Variants in TMPRSS12 observed in about 807,000 individuals in gnomAD.
The protein encoded by TMPRSS12 is transmembrane serine protease 12.
Under a neutral mutation model 26.0 loss-of-function variants are expected in TMPRSS12, and 25 were observed. That is an observed-to-expected ratio of 0.96 (90% confidence interval 0.70 to 1.34). The LOEUF (loss-of-function observed/expected upper bound fraction) is 1.34. Ranked by LOEUF, TMPRSS12 falls within the 40% of genes most tolerant of loss-of-function variation. TMPRSS12 has a pLI of 0.00. For synonymous variants in TMPRSS12, 150 were observed against 161.7 expected (o/e 0.93, Z 0.55); for missense variants, 441 against 440.1 (o/e 1.00, Z -0.02).
In TMPRSS12 at chr12:50,843,070, G is replaced by A. The variant is rs1267092886; in HGVS notation, c.106G>A (p.Glu36Lys). The stretch of plus-strand genomic sequence containing the variant: ...AAGGCACAGGCTCGGCCCCTCGCCG[G>A]AACCGGCGGCTAGTTCCCAGCAGGC... ...SGRHRLGPSP[E>K]PAASSQQAEA... is the part of the protein sequence containing the mutation. Residue 36 changes from glutamate to lysine, a missense_variant, in exon 1 of 5, where the codon GAA (glutamate) becomes AAA (lysine). Glu to Lys is a moderately conservative substitution (Grantham distance 56, BLOSUM62 1). Coordinates refer to ENST00000398458, the MANE Select transcript of TMPRSS12 (RefSeq NM_182559.3). 7 of 1,589,940 alleles carry A rather than the reference G, an allele frequency of 4.4e-6. No homozygotes were observed. Among genetic ancestry groups the A allele is most frequent in the African/African-American group, 1.3e-5 (1 of 74,548 alleles).
chr12:50,869,183 A>G (rs1396193717), intron 3 of TMPRSS12, among the ~76,000 whole-genome samples: 2 of 152,114 alleles, frequency 1.3e-5, no homozygotes, highest in Non-Finnish European at 2.9e-5. Context: ...AAACAAAAAA[A>G]AAATACAAAA....
chr12:50,845,907 A>G (rs1445396942), intron 2 of TMPRSS12, among the ~76,000 whole-genome samples: 2 of 152,072 alleles, frequency 1.3e-5, no homozygotes, highest in Non-Finnish European at 2.9e-5. Flanking sequence ...GCATCTTTCT[A>G]TGTGCTTATT....
intron 2 of TMPRSS12, among the ~76,000 whole-genome samples, chr12:50,850,121 T>C (rs915888842): frequency 6.6e-6 from 1 of 152,160 alleles, no homozygotes; most frequent in Admixed American, 6.5e-5. Flanking sequence ...TACGATGATA[T>C]AGTTTGAGTG....
At position 50,880,966 on chromosome 12, in the gene TMPRSS12, C is replaced by CTTTTTTTTTTTTT. The variant is rs869152225; in HGVS notation, c.653-4259_653-4247dup. 5.7e-4 allele frequency among the ~76,000 whole-genome samples: 35 copies of CTTTTTTTTTTTTT among 61,786 alleles called. 5 individuals are homozygous for CTTTTTTTTTTTTT. Among genetic ancestry groups the CTTTTTTTTTTTTT allele is most frequent in the Non-Finnish European group, 8.3e-4 (29 of 34,860 alleles). The allele number at this position is 61,786 out of a possible 152,430, so 40.5% of individuals were successfully genotyped here. A position where few individuals can be genotyped will look rare whatever the true frequency, so the allele number is the denominator to read the frequency against. On this transcript the variant is annotated intron_variant, in intron 3 of 4. Coordinates refer to ENST00000398458, the MANE Select transcript of TMPRSS12 (RefSeq NM_182559.3). The stretch of plus-strand genomic sequence containing the variant: ...CTATAGAGACAGGAATCAGTAATTT[C>CTTTTTTTTTTTTT]TTTTTTTTTTTTTTTTTTTTTTTTT...
intron 4 of TMPRSS12, chr12:50,885,796 C>A (rs992430199): frequency 1.1e-5 from 4 of 366,496 alleles, no homozygotes; most frequent in Non-Finnish European, 1.4e-5. Context: ...GCTGGAATTA[C>A]AGGCACACAT....
chr12:50,871,465 T>G (rs1293230930), intron 3 of TMPRSS12, among the ~76,000 whole-genome samples: 1 of 152,206 alleles, frequency 6.6e-6, no homozygotes, highest in Non-Finnish European at 1.5e-5. Flanking sequence ...ATTAGGGACT[T>G]AAATCTAAGA....
rs543000655 is a variant in TMPRSS12 at position 50,856,182 on chromosome 12, T to C, written c.384-2603T>C. On this transcript the variant is annotated intron_variant, in intron 2 of 4. Coordinates refer to ENST00000398458, the MANE Select transcript of TMPRSS12 (RefSeq NM_182559.3). The stretch of plus-strand genomic sequence containing the variant: ...TACCCATGTAACAAACCAGCACGTG[T>C]ACCCCCGAACCTAAAATAAAAGTTA... Among the ~76,000 whole-genome samples, 8 of 152,276 alleles carry C rather than the reference T, an allele frequency of 5.3e-5. No individual in the cohort carries two copies. In the South Asian group the frequency reaches 1.5e-3, roughly 28 times the overall value.
chr12:50,862,379 T>C (rs1407833784), intron 3 of TMPRSS12, among the ~76,000 whole-genome samples: 2 of 152,140 alleles, frequency 1.3e-5, no homozygotes, highest in Non-Finnish European at 2.9e-5. Flanking sequence ...ACTTTTAATA[T>C]TGACTTCAGT....
chr12:50,853,208 A>G (rs1045208884), intron 2 of TMPRSS12, among the ~76,000 whole-genome samples: 2 of 152,184 alleles, frequency 1.3e-5, no homozygotes, highest in Middle Eastern at 3.2e-3. Flanking sequence ...AAATTAAACA[A>G]TCTTCTCTTG....
chr12:50,857,782 TAG>T lies in TMPRSS12; in HGVS notation c.384-1002_384-1001del, dbSNP rs1309687783. ...TATTCATCTAGATTTTTTTCTGGTT[TAG>T]TTTTTTGTTGTTGTTGTTGTTGTCG... On this transcript the variant is annotated intron_variant, in intron 2 of 4. Coordinates refer to ENST00000398458, the MANE Select transcript of TMPRSS12 (RefSeq NM_182559.3). 2.2e-4 allele frequency among the ~76,000 whole-genome samples: 33 copies of T among 148,640 alleles called. 1 individual carries two copies. The highest frequency in any genetic ancestry group is 5.9e-5 in the Non-Finnish European group (4 of 67,566).
intron 2 of TMPRSS12, among the ~76,000 whole-genome samples, chr12:50,847,162 C>G (rs1345832310): frequency 6.6e-6 from 1 of 150,442 alleles, no homozygotes; most frequent in Non-Finnish European, 1.5e-5. Flanking sequence ...GGGTTCAGGC[C>G]ATTCTCCTGC....
Position 50,844,036 on chromosome 12 carries a change from A to T in TMPRSS12, c.382A>T (p.Ser128Cys). ...LTAAHCTKDA[S>C]DPLMWTAVIG... ...AGCTGCCCACTGCACTAAAGACGCTAGGTACGTATTCAGAACACAACTATT... is the reference window on the plus strand; with the variant it reads ...AGCTGCCCACTGCACTAAAGACGCTTGGTACGTATTCAGAACACAACTATT... The change falls in exon 2 of 5, where the codon AGC becomes TGC. Residue 128 changes from serine to cysteine, a missense_variant and splice_region_variant. Ser to Cys is a moderately radical substitution (Grantham distance 112). Coordinates refer to ENST00000398458, the MANE Select transcript of TMPRSS12 (RefSeq NM_182559.3). 1 of 1,558,664 alleles carries T rather than the reference A, an allele frequency of 6.4e-7. No individual in the cohort carries two copies. Among genetic ancestry groups the T allele is most frequent in the Non-Finnish European group, 8.7e-7 (1 of 1,154,938 alleles).
At chr12:50,884,269 G>A (rs1231361594) in intron 3 of TMPRSS12, among the ~76,000 whole-genome samples, 1 of 152,100 alleles carries the variant, frequency 6.6e-6, no homozygotes, top group Non-Finnish European at 1.5e-5. Flanking sequence ...ACTACCAAGT[G>A]TGTTAATACT....
chr12:50,860,259 T>C (rs752463589), intron 3 of TMPRSS12, among the ~76,000 whole-genome samples: 4 of 152,332 alleles, frequency 2.6e-5, no homozygotes, highest in Non-Finnish European at 5.9e-5. Context: ...GATTGCGATA[T>C]ATTTTTTTAG....
chr12:50,847,057 C>CTCTTT (rs1555205380), intron 2 of TMPRSS12, among the ~76,000 whole-genome samples: 2 of 109,910 alleles, frequency 1.8e-5, no homozygotes, highest in Admixed American at 1.1e-4. Context: ...AGTCTAAAAA[C>CTCTTT]TTTTTTTTTT....
At chr12:50,847,185 C>T (rs191087266) in intron 2 of TMPRSS12, among the ~76,000 whole-genome samples, 1 of 151,532 alleles carries the variant, frequency 6.6e-6, no homozygotes, top group Non-Finnish European at 1.5e-5. Context: ...CAGCCTCCCG[C>T]GTAGCTGGGA....
chr12:50,843,023 C>CA lies in TMPRSS12; in HGVS notation c.60dup (p.Asp21ArgfsTer20). On this transcript the variant is annotated frameshift_variant, in exon 1 of 5. Coordinates refer to ENST00000398458, the MANE Select transcript of TMPRSS12 (RefSeq NM_182559.3). LOFTEE classifies it high-confidence loss of function. ...TTTGTGGGGAGCTCTCACTTATACTCAGACCACTACTCGCCCTCTGGAAGG... is the reference window on the plus strand; with the variant it reads ...TTTGTGGGGAGCTCTCACTTATACTCAAGACCACTACTCGCCCTCTGGAAGG... 1.9e-6 allele frequency: 3 copies of CA among 1,606,634 alleles called. No individual in the cohort carries two copies. The highest frequency in any genetic ancestry group is 2.5e-6 in the Non-Finnish European group (3 of 1,176,856).
intron 3 of TMPRSS12, among the ~76,000 whole-genome samples, chr12:50,876,360 A>G (rs1336403045): frequency 6.6e-6 from 1 of 152,228 alleles, no homozygotes; most frequent in Non-Finnish European, 1.5e-5. Context: ...AACTTAAACC[A>G]GAATCACCGC....
At chr12:50,872,419 A>G (rs1490374909) in intron 3 of TMPRSS12, among the ~76,000 whole-genome samples, 1 of 144,700 alleles carries the variant, frequency 6.9e-6, no homozygotes, top group Non-Finnish European at 1.5e-5. Context: ...AGGCTGAGGC[A>G]GGAGAATGGC....
Sources: gnomAD v4.1 joint callset for allele counts (sites outside exome capture counted in the v4.1 genomes callset) on GRCh38, gnomAD v4.1.1 for gene constraint, MANE v1.5 for transcripts, NCBI Gene and HGNC (gene_info 2026-07-23, HGNC 2026-07-21) for gene names.